The following ANKRD53 variants were observed in gnomAD, a reference collection of about 807,000 sequenced individuals.
The protein encoded by ANKRD53 is ankyrin repeat domain 53.
Under a neutral mutation model 30.1 loss-of-function variants are expected in ANKRD53, and 27 were observed. The observed-to-expected ratio is 0.90, with a 90% confidence interval of 0.66 to 1.24. The LOEUF is 1.24. ANKRD53 is among the 50% of genes most tolerant of loss of function. ANKRD53 has a pLI of 0.00. For missense variants in ANKRD53, 682 were observed against 721.0 expected (o/e 0.95, Z 0.62); for synonymous variants, 286 against 295.4 (o/e 0.97, Z 0.33).
At position 70,978,905 on chromosome 2, in the gene ANKRD53, C is replaced by T; in HGVS notation, c.170+90C>T. 6.9e-7 allele frequency: 1 copy of T among 1,459,650 alleles called. No individual in the cohort carries two copies. The highest frequency in any genetic ancestry group is 9.1e-7 in the Non-Finnish European group (1 of 1,103,008). The allele number at this position is 1,459,650 out of a possible 1,614,324, so 90.4% of individuals were successfully genotyped here. On this transcript the variant is annotated intron_variant, in intron 1 of 5. Transcript: ENST00000360589. This position sits in a 1 kb window ranked among gnomAD's most constrained non-coding sequence, Gnocchi z 4.3. ...GGGCAGGGCCTGGAGCGGGCGGGGGCGGAGGCTGCGGCCCGAGAAGCCAGC... is the reference window on the plus strand; with the variant it reads ...GGGCAGGGCCTGGAGCGGGCGGGGGTGGAGGCTGCGGCCCGAGAAGCCAGC...
chr2:70,979,237 C>T lies in ANKRD53; in HGVS notation c.311C>T (p.Thr104Met), dbSNP rs797036792. The T allele has an allele frequency of 3.1e-6, 5 of 1,613,486 alleles. No homozygotes were observed. Among genetic ancestry groups the T allele is most frequent in the Non-Finnish European group, 4.2e-6 (5 of 1,179,998 alleles). The change falls in exon 2 of 6, where the codon ACG (threonine) becomes ATG (methionine). Residue 104 changes from threonine to methionine, a missense_variant. Transcript: ENST00000360589. ...TCCGACCAGACGGCAATCGACCAGACGGCGATCGGGAGCTACTACCAGCTG... is the reference window on the plus strand; with the variant it reads ...TCCGACCAGACGGCAATCGACCAGATGGCGATCGGGAGCTACTACCAGCTG... The part of the protein sequence containing the change: ...KESDQTAIDQ[T>M]AIGSYYQLFA...
chr2:70,982,239 G>A lies in ANKRD53; in HGVS notation c.782+139G>A, dbSNP rs1670034862. ...GCTGGAGGATGCGCCTACTGCCCAG[G>A]ATATTTTGGATGAGGCAATCACCTC... On this transcript the variant is annotated intron_variant, in intron 4 of 5. Transcript: ENST00000360589. This position sits in a 1 kb window ranked among gnomAD's most constrained non-coding sequence, Gnocchi z 4.2. The A allele has an allele frequency of 1.9e-6, 2 of 1,057,352 alleles. No homozygotes were observed. The highest frequency in any genetic ancestry group is 1.6e-5 in the African/African-American group (1 of 61,990). 65.5% of individuals were successfully genotyped at this position (1,057,352 alleles called of 1,614,324 possible). A position where few individuals can be genotyped will look rare whatever the true frequency, so the allele number is the denominator to read the frequency against.
Position 70,982,126 on chromosome 2 carries a change from C to G in ANKRD53, c.782+26C>G. The G allele has an allele frequency of 3.2e-6, 5 of 1,572,400 alleles. No individual in the cohort carries two copies. The highest frequency in any genetic ancestry group is 4.3e-6 in the Non-Finnish European group (5 of 1,156,468). ...GTGAGAGTGTGAGAACCACCTGGAG[C>G]CTGCCCACCCCCTTCCCCTCCCCCA... On this transcript the variant is annotated intron_variant, in intron 4 of 5. Coordinates refer to ENST00000360589, the MANE Select transcript of ANKRD53 (RefSeq NM_001115116.2). This position sits in a 1 kb window ranked among gnomAD's most constrained non-coding sequence, Gnocchi z 4.2.
rs1055971718 is a variant in ANKRD53 at position 70,985,382 on chromosome 2, G to C, written c.*82G>C. On this transcript the variant is annotated 3_prime_UTR_variant, in exon 6 of 6. Transcript: ENST00000360589. ...ATTCACGTTGTGGGTGGCGAGGAAA[G>C]GGGGAGGGGTGCCTATGGGCTTCCC... 4.5e-6 allele frequency: 6 copies of C among 1,342,504 alleles called. No homozygotes were observed. Among genetic ancestry groups the C allele is most frequent in the African/African-American group, 4.4e-5 (3 of 68,494 alleles). 83.2% of individuals were successfully genotyped at this position (1,342,504 alleles called of 1,614,324 possible).
chr2:70,981,789 G>T, intron 3 of ANKRD53, 147 bp from the exon 4 acceptor site: 1 of 791,438 alleles, frequency 1.3e-6, no homozygotes, highest in Non-Finnish European at 1.8e-6. Flanking sequence ...GGAAATTGAG[G>T]TGCCAAAAGG....
rs541931362 is a variant in ANKRD53, at chr2:70,982,718, G to A, written c.903+21G>A. 4 of 1,612,140 alleles carry A rather than the reference G, an allele frequency of 2.5e-6. No individual in the cohort carries two copies. The highest frequency in any genetic ancestry group is 2.2e-5 in the East Asian group (1 of 44,832). ...ATCAAGTAAGGGGGACAGCAGGGGG[G>A]CCAGGGGACAGCTGCTATCCAGGCA... On this transcript the variant is annotated intron_variant, in intron 5 of 5. Transcript: ENST00000360589. This position sits in a 1 kb window ranked among gnomAD's most constrained non-coding sequence, Gnocchi z 4.2.
intron 3 of ANKRD53, among the ~76,000 whole-genome samples, chr2:70,980,696 A>G (rs1209598029): frequency 4.7e-4 from 72 of 152,198 alleles, no homozygotes; most frequent in Admixed American, 4.7e-3. Flanking sequence ...CTGTAATCCC[A>G]GCACTTTGGG....
rs201198305 is a variant in ANKRD53, at chr2:70,979,214, C to G, written c.288C>G (p.Ser96=). Residue 96 remains serine (S), a synonymous_variant, in exon 2 of 6, where the codon TCC becomes TCG. Coordinates refer to ENST00000360589, the MANE Select transcript of ANKRD53 (RefSeq NM_001115116.2). ...PRADPSPSKE[S]DQTAIDQTAI... is the part of the protein sequence containing the mutation. ...CTGACCCCAGCCCCAGCAAGGAGTC[C>G]GACCAGACGGCAATCGACCAGACGG... 3 of 1,613,368 alleles carry G rather than the reference C, an allele frequency of 1.9e-6. No homozygotes were observed. The highest frequency in any genetic ancestry group is 1.3e-5 in the African/African-American group (1 of 75,070).
In ANKRD53 at chr2:70,982,133, A is replaced by C. The variant is rs1670029621; in HGVS notation, c.782+33A>C. On this transcript the variant is annotated intron_variant, in intron 4 of 5. Transcript: ENST00000360589. The surrounding 1 kb of genome is among the most constrained non-coding windows in gnomAD (Gnocchi z 4.2). ...TGTGAGAACCACCTGGAGCCTGCCC[A>C]CCCCCTTCCCCTCCCCCAGCCTTTT... is the stretch of plus-strand genomic sequence containing the variant. 5 of 1,556,052 alleles carry C rather than the reference A, an allele frequency of 3.2e-6. No homozygotes were observed. The highest frequency in any genetic ancestry group is 2.3e-5 in the East Asian group (1 of 43,354).
Position 70,982,457 on chromosome 2 carries a change from C to T in ANKRD53, c.783-120C>T. ...GGCAATGGGGATGGCTCATCTTGCTCCTCTCCCTCTGGCCACTCCCCTCAT... is the reference window on the plus strand; with the variant it reads ...GGCAATGGGGATGGCTCATCTTGCTTCTCTCCCTCTGGCCACTCCCCTCAT... On this transcript the variant is annotated intron_variant, in intron 4 of 5. Coordinates refer to ENST00000360589, the MANE Select transcript of ANKRD53 (RefSeq NM_001115116.2). This position sits in a 1 kb window ranked among gnomAD's most constrained non-coding sequence, Gnocchi z 4.2. 7.1e-7 allele frequency: 1 copy of T among 1,411,004 alleles called. No individual in the cohort carries two copies. The highest frequency in any genetic ancestry group is 9.7e-7 in the Non-Finnish European group (1 of 1,034,406). 87.4% of individuals were successfully genotyped at this position (1,411,004 alleles called of 1,614,324 possible). A position where few individuals can be genotyped will look rare whatever the true frequency, so the allele number is the denominator to read the frequency against.
rs371655815 is a variant in ANKRD53, at chr2:70,984,694, T to C, written c.987T>C (p.Asn329=). ...KLHPGHSLVS[N]TKQARATALS... ...ACCCAGGCCACTCTCTGGTCTCCAA[T>C]ACCAAGCAAGCCCGGGCCACCGCCC... The change falls in exon 6 of 6, where the codon AAT becomes AAC. Residue 329 remains asparagine (N), a synonymous_variant. Coordinates refer to ENST00000360589, the MANE Select transcript of ANKRD53 (RefSeq NM_001115116.2). The C allele has an allele frequency of 6.8e-6, 11 of 1,613,756 alleles. No individual in the cohort carries two copies. The highest frequency in any genetic ancestry group is 1.3e-5 in the African/African-American group (1 of 74,890).
chr2:70,985,195 C>A lies in ANKRD53; in HGVS notation c.1488C>A (p.Asp496Glu), dbSNP rs782540199. 5.2e-6 allele frequency: 8 copies of A among 1,551,374 alleles called. No individual in the cohort carries two copies. In the South Asian group the frequency reaches 9.5e-5, roughly 18 times the overall value. ...TGGGTGACAACACCTTCTGGACCGA[C>A]ACTCTGGCCATGAACCTGCGTGACA... is the stretch of plus-strand genomic sequence containing the variant. The part of the protein sequence containing the change: ...RHLGDNTFWT[D>E]TLAMNLRDTF... The change falls in exon 6 of 6, where the codon GAC becomes GAA. Residue 496 changes from aspartate to glutamate, a missense_variant. Asp to Glu is a conservative substitution (Grantham distance 45). Transcript: ENST00000360589.
Position 70,978,707 on chromosome 2 carries a change from G to C in ANKRD53, c.62G>C (p.Gly21Ala). ...TCCGGAAGCTGGCACTCAGAAAGGGGAGAAGGGAGAGGTGCTCGGCCGCAG... is the reference window on the plus strand; with the variant it reads ...TCCGGAAGCTGGCACTCAGAAAGGGCAGAAGGGAGAGGTGCTCGGCCGCAG... Reference protein sequence around the residue: ...AGSGSWHSERGEGRGARPQPT... With the variant: ...AGSGSWHSERAEGRGARPQPT... Residue 21 changes from glycine to alanine, a missense_variant, in exon 1 of 6, where the codon GGA becomes GCA. Transcript: ENST00000360589. The surrounding 1 kb of genome is among the most constrained non-coding windows in gnomAD (Gnocchi z 4.3). The C allele has an allele frequency of 6.5e-7, 1 of 1,548,772 alleles. No individual in the cohort carries two copies. Among genetic ancestry groups the C allele is most frequent in the South Asian group, 1.2e-5 (1 of 83,826 alleles).
At position 70,982,893 on chromosome 2, in the gene ANKRD53, T is replaced by C. The variant is rs1295807041; in HGVS notation, c.903+196T>C. 2.0e-5 allele frequency among the ~76,000 whole-genome samples: 3 copies of C among 152,190 alleles called. No homozygotes were observed. The highest frequency in any genetic ancestry group is 4.4e-5 in the Non-Finnish European group (3 of 68,040). On this transcript the variant is annotated intron_variant, in intron 5 of 5. Transcript: ENST00000360589. This position sits in a 1 kb window ranked among gnomAD's most constrained non-coding sequence, Gnocchi z 4.2. Reference sequence around the variant, plus strand: ...AATAAGCCAGTCTTTTGGTCAAAAGTCTTATCCTGTGTTAGAAAGCCAATT... The same window carrying C: ...AATAAGCCAGTCTTTTGGTCAAAAGCCTTATCCTGTGTTAGAAAGCCAATT...
rs367980380 is a variant in ANKRD53 at position 70,981,947 on chromosome 2, A to G, written c.629A>G (p.Asn210Ser). Residue 210 changes from asparagine (N) to serine (S), a missense_variant, in exon 4 of 6, where the codon AAC becomes AGC. Physicochemically the swap from Asn to Ser is conservative, Grantham distance 46 (BLOSUM62 1). Transcript: ENST00000360589. ...KGADLNAQTC[N>S]GSTPLHLAAR... Reference sequence around the variant, plus strand: ...GGGGCCTTCCACAGTCAGACATGCAACGGCTCCACGCCCCTGCACCTGGCA... The same window carrying G: ...GGGGCCTTCCACAGTCAGACATGCAGCGGCTCCACGCCCCTGCACCTGGCA... 12 of 1,584,880 alleles carry G rather than the reference A, an allele frequency of 7.6e-6. No homozygotes were observed. In the African/African-American group the frequency reaches 1.4e-4, roughly 18 times the overall value.
intron 5 of ANKRD53, among the ~76,000 whole-genome samples, chr2:70,983,171 G>A (rs185261062): frequency 6.6e-6 from 1 of 152,350 alleles, no homozygotes; most frequent in Non-Finnish European, 1.5e-5. Context: ...GAGGAGGCAG[G>A]TTACAGGCCC....
Position 70,985,021 on chromosome 2 carries a change from A to C in ANKRD53, c.1314A>C (p.Thr438=). 6.5e-7 allele frequency: 1 copy of C among 1,549,316 alleles called. No homozygotes were observed. The highest frequency in any genetic ancestry group is 8.7e-7 in the Non-Finnish European group (1 of 1,146,612). The part of the protein sequence containing the change: ...PDGHGGARLH[T]VDGHWVAPVP... ...GGCACGGCGGTGCGCGGCTGCACAC[A>C]GTGGACGGCCACTGGGTGGCGCCCG... Residue 438 remains threonine, a synonymous_variant, in exon 6 of 6, where the codon ACA becomes ACC. Coordinates refer to ENST00000360589, the MANE Select transcript of ANKRD53 (RefSeq NM_001115116.2).
Position 70,979,172 on chromosome 2 carries a change from G to C in ANKRD53, c.246G>C (p.Ser82=), listed in dbSNP as rs781850466. The change falls in exon 2 of 6, where the codon TCG becomes TCC. Residue 82 remains serine (S), a synonymous_variant. Coordinates refer to ENST00000360589, the MANE Select transcript of ANKRD53 (RefSeq NM_001115116.2). ...TCGCCAGGCCGCGCCGCCCTGCCTC[G>C]CTCACCCCGCCCCGCGCTGACCCCA... The part of the protein sequence containing the change: ...TALARPRRPA[S]LTPPRADPSP... 6.2e-7 allele frequency: 1 copy of C among 1,612,236 alleles called. No homozygotes were observed. The highest frequency in any genetic ancestry group is 8.5e-7 in the Non-Finnish European group (1 of 1,179,700).
chr2:70,979,280 C>A lies in ANKRD53; in HGVS notation c.354C>A (p.Gly118=), dbSNP rs1553423059. Residue 118 remains glycine (G), a synonymous_variant, in exon 2 of 6, where the codon GGC becomes GGA. Transcript: ENST00000360589. ...SYYQLFAAAV[G]NVEWLRFCLN... ...ACCAGCTGTTCGCAGCGGCTGTGGG[C>A]AACGTGGAATGGCTGCGATTCTGTC... The A allele has an allele frequency of 6.2e-7, 1 of 1,613,752 alleles. No individual in the cohort carries two copies. The highest frequency in any genetic ancestry group is 1.1e-5 in the South Asian group (1 of 91,088).
Sources: allele counts gnomAD v4.1 joint callset (sites outside exome capture counted in the v4.1 genomes callset), GRCh38; gene constraint gnomAD v4.1.1; non-coding constraint Gnocchi (gnomAD v3.1); transcripts MANE v1.5; gene names NCBI Gene and HGNC (gene_info 2026-07-23, HGNC 2026-07-21).